Variants in IAH1 observed in about 807,000 individuals in gnomAD.
IAH1 encodes the protein isoamyl acetate hydrolyzing esterase 1 (putative).
In IAH1, 24 loss-of-function variants were observed where a neutral mutation model predicts 26.7. The observed-to-expected ratio is 0.90, with a 90% confidence interval of 0.65 to 1.26. IAH1 has a LOEUF of 1.26. Among genes scored for constraint, IAH1 ranks in the 50% most tolerant of loss-of-function variants. IAH1 has a pLI of 0.00. For synonymous variants in IAH1, 140 were observed against 118.5 expected (o/e 1.18, Z -1.18); for missense variants, 300 against 299.9 (o/e 1.00, Z 0.00).
At chr2:9,484,796 A>T in intron 5 of IAH1, 1 of 431,236 alleles carries the variant, frequency 2.3e-6, no homozygotes, top group South Asian at 3.6e-5. Flanking sequence ...AATGAGCAAC[A>T]CATGGCTCAT....
the IAH1 span, among the ~76,000 whole-genome samples, chr2:9,504,572 C>A: frequency 6.6e-6 from 1 of 152,072 alleles, no homozygotes; most frequent in Non-Finnish European, 1.5e-5. Flanking sequence ...GGAGACCATC[C>A]TGGCCACCGT....
intron 6 of IAH1, among the ~76,000 whole-genome samples, chr2:9,495,087 C>T (rs969902056): frequency 2.0e-5 from 3 of 152,232 alleles, no homozygotes; most frequent in Non-Finnish European, 4.4e-5. Context: ...TTCCCTTTGT[C>T]CCAACTTTCT....
chr2:9,497,572 T>G (rs556395876), downstream of IAH1, among the ~76,000 whole-genome samples: 1 of 152,352 alleles, frequency 6.6e-6, no homozygotes, highest in South Asian at 2.1e-4. Context: ...AAACTTTGTA[T>G]GAAGGCTTAA....
At chr2:9,511,175 G>A in the IAH1 span, among the ~76,000 whole-genome samples, 2 of 152,130 alleles carry the variant, frequency 1.3e-5, no homozygotes, top group African/African-American at 2.4e-5. Flanking sequence ...ACGGATAGGC[G>A]CAGTGGCTCA....
the IAH1 span, among the ~76,000 whole-genome samples, chr2:9,511,577 G>A: frequency 6.6e-6 from 1 of 152,098 alleles, no homozygotes; most frequent in Non-Finnish European, 1.5e-5. Flanking sequence ...CCAGTTGCAG[G>A]GCTGTACTTA....
Position 9,494,861 on chromosome 2 carries a change from G to C in IAH1, c.*222+1G>C. ...CCTCCCTGACCATGCTCCCAAAGAG[G>C]TAAGAAATCACATTTATTTTTTATT... On this transcript the variant is annotated splice_donor_variant, in intron 6 of 6. Transcript: ENST00000481367. LOFTEE classifies it low-confidence loss of function (3UTR_SPLICE). 4 of 1,469,320 alleles carry C rather than the reference G, an allele frequency of 2.7e-6. No homozygotes were observed. The highest frequency in any genetic ancestry group is 2.8e-6 in the Non-Finnish European group (3 of 1,084,112). 91.0% of individuals were successfully genotyped at this position (1,469,320 alleles called of 1,614,324 possible).
chr2:9,475,232 G>T (rs1370429720), intron 1 of IAH1: 2 of 1,284,230 alleles, frequency 1.6e-6, no homozygotes, highest in East Asian at 1.1e-4. Context: ...TTACTTCGGG[G>T]AGGGAGTAGA....
At chr2:9,492,933 A>G (rs1409123369), downstream of IAH1, 5 of 1,613,178 alleles carry the variant, frequency 3.1e-6, no homozygotes, top group East Asian at 6.7e-5. Context: ...GGAATCCAAA[A>G]TATCAAGGAG....
At chr2:9,508,635 A>T in the IAH1 span, among the ~76,000 whole-genome samples, 19 of 152,328 alleles carry the variant, frequency 1.2e-4, no homozygotes, top group East Asian at 2.3e-3. Context: ...TTTAAATAAA[A>T]TAGAATTTAC....
In IAH1 at chr2:9,484,498, A is replaced by G; in HGVS notation, c.512A>G (p.Gln171Arg). The change falls in exon 5 of 6, where the codon CAA (glutamine) becomes CGA (arginine). Residue 171 changes from glutamine to arginine, a missense_variant. Transcript: ENST00000497473. ...GCCAATGCGTGTTTACAAGTGGCCC[A>G]AGACTGTGGGACTGACGTACTTGAC... ...EYANACLQVA[Q>R]DCGTDVLDLW... The G allele has an allele frequency of 6.2e-7, 1 of 1,614,194 alleles. No homozygotes were observed. Among genetic ancestry groups the G allele is most frequent in the Non-Finnish European group, 8.5e-7 (1 of 1,180,034 alleles).
chr2:9,491,900 A>C (rs1251145010), downstream of IAH1, among the ~76,000 whole-genome samples: 1 of 152,228 alleles, frequency 6.6e-6, no homozygotes, highest in Non-Finnish European at 1.5e-5. Context: ...TAAACAAAAT[A>C]GGTTCCATCC....
downstream of IAH1, chr2:9,490,545 G>A (rs758957938): frequency 6.3e-7 from 1 of 1,589,982 alleles, no homozygotes. Flanking sequence ...TCAATTGATT[G>A]ATAGGAATAA....
At chr2:9,494,116 A>G (rs1662372038), downstream of IAH1, among the ~76,000 whole-genome samples, 1 of 152,186 alleles carries the variant, frequency 6.6e-6, no homozygotes, top group Non-Finnish European at 1.5e-5. Context: ...GACTCTACAC[A>G]TACACAGTGG....
chr2:9,491,483 C>T (rs1662144892), downstream of IAH1, among the ~76,000 whole-genome samples: 1 of 152,192 alleles, frequency 6.6e-6, no homozygotes, highest in South Asian at 2.1e-4. Flanking sequence ...TGACAAATGT[C>T]CCAGATGCTG....
chr2:9,500,508 TA>T (rs1428668640), downstream of IAH1, among the ~76,000 whole-genome samples: 1 of 152,146 alleles, frequency 6.6e-6, no homozygotes, highest in Non-Finnish European at 1.5e-5. Flanking sequence ...CTGAATATAC[TA>T]AAAATCATTA....
intron 3 of IAH1, among the ~76,000 whole-genome samples, chr2:9,478,927 C>T (rs973397792): frequency 1.3e-5 from 2 of 152,160 alleles, no homozygotes; most frequent in Admixed American, 6.5e-5. Context: ...TGCGTGCTAT[C>T]GACGAGAAAA....
chr2:9,486,689 CGTG>C (rs1403377027), intron 5 of IAH1: 1 of 152,046 alleles, frequency 6.6e-6, no homozygotes, highest in African/African-American at 2.4e-5. Context: ...ATTAGCCAGG[CGTG>C]GTGGCAGTCA....
At chr2:9,492,567 A>C (rs984222196), downstream of IAH1, among the ~76,000 whole-genome samples, 2 of 152,222 alleles carry the variant, frequency 1.3e-5, no homozygotes, top group African/African-American at 2.4e-5. Context: ...TATTGCAACG[A>C]AGTCAGCCTG....
chr2:9,483,459 G>T (rs752829866), intron 4 of IAH1, among the ~76,000 whole-genome samples: 1 of 152,138 alleles, frequency 6.6e-6, no homozygotes, highest in Non-Finnish European at 1.5e-5. Flanking sequence ...TAATCTAGGT[G>T]AATTTTATAA....
Sources: allele counts gnomAD v4.1 joint callset (sites outside exome capture counted in the v4.1 genomes callset), GRCh38; gene constraint gnomAD v4.1.1; transcripts MANE v1.5; gene names NCBI Gene and HGNC (gene_info 2026-07-23, HGNC 2026-07-21).